The following UST variants were observed in gnomAD, a reference collection of about 807,000 sequenced individuals.
The protein encoded by UST is chondroitin sulfate 2-O-sulfotransferase.
A neutral mutation model predicts 45.6 loss-of-function variants in UST; 21 were observed. That is an observed-to-expected ratio of 0.46 (90% CI 0.33 to 0.66). UST has a LOEUF of 0.66. Among genes scored for constraint, UST ranks in the 30% least tolerant of loss-of-function variants. UST has a pLI of 0.02. For missense variants in UST, 463 were observed against 512.4 expected (o/e 0.90, Z 0.93); for synonymous variants, 215 against 200.6 (o/e 1.07, Z -0.61).
intron 2 of UST, among the ~76,000 whole-genome samples, chr6:148,912,227 C>CT (rs138700032): frequency 0.066 from 10,026 of 152,226 alleles, 1,078 homozygotes; most frequent in African/African-American, 0.23. Context: ...TTGGAATACT[C>CT]TATCTATGCG....
At chr6:148,846,883 G>A (rs1284343342) in intron 1 of UST, among the ~76,000 whole-genome samples, 1 of 152,268 alleles carries the variant, frequency 6.6e-6, no homozygotes, top group Admixed American at 6.5e-5. Flanking sequence ...TGCCTTCAGA[G>A]GGTAGCAGCC....
intron 2 of UST, among the ~76,000 whole-genome samples, chr6:148,901,779 G>A (rs951076636): frequency 6.6e-6 from 1 of 152,032 alleles, no homozygotes; most frequent in East Asian, 1.9e-4. Context: ...GGCTGGTCTC[G>A]AACTCCTGAC....
At chr6:148,789,277 T>C (rs960482554) in intron 1 of UST, among the ~76,000 whole-genome samples, 3 of 152,064 alleles carry the variant, frequency 2.0e-5, no homozygotes, top group African/African-American at 7.2e-5. Context: ...GTGTTCTGAG[T>C]CAGCAGCATC....
At chr6:148,834,238 T>A (rs966578950) in intron 1 of UST, among the ~76,000 whole-genome samples, 2 of 152,260 alleles carry the variant, frequency 1.3e-5, no homozygotes, top group Admixed American at 6.5e-5. Flanking sequence ...GTCAAAATAA[T>A]CTTAATTCCT....
intron 7 of UST, among the ~76,000 whole-genome samples, chr6:149,054,455 A>G (rs1284030886): frequency 6.6e-6 from 1 of 152,180 alleles, no homozygotes; most frequent in East Asian, 1.9e-4. Flanking sequence ...GACACCTAAC[A>G]TTGTCTTAGC....
At position 148,860,397 on chromosome 6, in the gene UST, T is replaced by G. The variant is rs556460811; in HGVS notation, c.248-26589T>G. On this transcript the variant is annotated intron_variant, in intron 1 of 7. Coordinates refer to ENST00000367463, the MANE Select transcript of UST (RefSeq NM_005715.3). ...TTATCAGCTTAAGGAGATTTTGGGC[T>G]GAGATGATGGGGTTTTCTAAATATA... is the stretch of plus-strand genomic sequence containing the variant. 3.9e-5 allele frequency among the ~76,000 whole-genome samples: 6 copies of G among 152,354 alleles called. No individual in the cohort carries two copies. The East Asian group carries it at 1.2e-3, about 29-fold the overall frequency.
At chr6:149,021,868 C>T (rs1433023897) in intron 7 of UST, among the ~76,000 whole-genome samples, 1 of 152,186 alleles carries the variant, frequency 6.6e-6, no homozygotes, top group Admixed American at 6.5e-5. Flanking sequence ...ACCTGGACTC[C>T]ATTGATGGAA....
chr6:148,879,952 C>CT lies in UST; in HGVS notation c.248-7019dup, dbSNP rs766758383. Among the ~76,000 whole-genome samples, 569 of 119,782 alleles carry CT rather than the reference C, an allele frequency of 4.8e-3. 7 individuals are homozygous for CT. The highest frequency in any genetic ancestry group is 7.0e-3 in the African/African-American group (228 of 32,674). 78.6% of individuals were successfully genotyped at this position (119,782 alleles called of 152,430 possible). On this transcript the variant is annotated intron_variant, in intron 1 of 7. Coordinates refer to ENST00000367463, the MANE Select transcript of UST (RefSeq NM_005715.3). ...GACTTTTCTTTTTTCTTTTTTTTTT[C>CT]TTTTTTTTTTTTTTTGACAAGGTCT...
intron 5 of UST, among the ~76,000 whole-genome samples, chr6:148,965,343 A>C (rs1341509101): frequency 6.6e-6 from 1 of 152,210 alleles, no homozygotes; most frequent in Non-Finnish European, 1.5e-5. Flanking sequence ...CCTGGTGCCC[A>C]GGAGGCTGAA....
At position 148,830,006 on chromosome 6, in the gene UST, G is replaced by T. The variant is rs560372748; in HGVS notation, c.248-56980G>T. On this transcript the variant is annotated intron_variant, in intron 1 of 7. Coordinates refer to ENST00000367463, the MANE Select transcript of UST (RefSeq NM_005715.3). ...CACCAGGCACTACACTTAAAAGATG[G>T]ATGATGAATGCCACATAAAGCCTAC... Among the ~76,000 whole-genome samples, 12 of 152,328 alleles carry T rather than the reference G, an allele frequency of 7.9e-5. 1 individual carries two copies. The South Asian group carries it at 1.9e-3, about 24-fold the overall frequency.
chr6:148,874,096 C>T lies in UST; in HGVS notation c.248-12890C>T, dbSNP rs371723303. Among the ~76,000 whole-genome samples the T allele has an allele frequency of 3.3e-5, 5 of 152,232 alleles. No individual in the cohort carries two copies. In the East Asian group the frequency reaches 5.8e-4, roughly 18 times the overall value. On this transcript the variant is annotated intron_variant, in intron 1 of 7. Coordinates refer to ENST00000367463, the MANE Select transcript of UST (RefSeq NM_005715.3). ...TGTGTTAGCATTCCACAGGTGAGAT[C>T]AGTTGACTGTAGCAATTACTTCAAA... is the stretch of plus-strand genomic sequence containing the variant.
rs1014300425 is a variant in UST, at chr6:148,830,659, A to T, written c.248-56327A>T. 2.0e-5 allele frequency among the ~76,000 whole-genome samples: 3 copies of T among 152,370 alleles called. No individual in the cohort carries two copies. The East Asian group carries it at 5.8e-4, about 29-fold the overall frequency. ...GGGACTGTCAAGTAAAAACATTTTT[A>T]AAAATTCTACCATCAAGAAATTACG... On this transcript the variant is annotated intron_variant, in intron 1 of 7. Coordinates refer to ENST00000367463, the MANE Select transcript of UST (RefSeq NM_005715.3).
Position 148,907,185 on chromosome 6 carries a change from C to T in UST, c.291+20156C>T, listed in dbSNP as rs142766508. ...TCACTTGTATTCAGTCTGGCCAACACGGGAATTGATGCTATTTTAAGTATA... is the reference window on the plus strand; with the variant it reads ...TCACTTGTATTCAGTCTGGCCAACATGGGAATTGATGCTATTTTAAGTATA... On this transcript the variant is annotated intron_variant, in intron 2 of 7. Coordinates refer to ENST00000367463, the MANE Select transcript of UST (RefSeq NM_005715.3). Among the ~76,000 whole-genome samples the T allele has an allele frequency of 2.2e-3, 337 of 152,220 alleles. 1 individual carries two copies. Among genetic ancestry groups the T allele is most frequent in the African/African-American group, 7.9e-3 (327 of 41,530 alleles).
chr6:148,810,616 CA>C (rs1305655468), intron 1 of UST, among the ~76,000 whole-genome samples: 2 of 152,134 alleles, frequency 1.3e-5, no homozygotes, highest in African/African-American at 4.8e-5. Context: ...AATGTGGGGT[CA>C]AAATAAGTAC....
chr6:148,902,206 C>T (rs1779273535), intron 2 of UST, among the ~76,000 whole-genome samples: 1 of 151,900 alleles, frequency 6.6e-6, no homozygotes, highest in Admixed American at 6.6e-5. Flanking sequence ...AAACAGATAC[C>T]CTGTTCTGGA....
intron 1 of UST, among the ~76,000 whole-genome samples, chr6:148,882,963 G>A (rs925328299): frequency 6.6e-6 from 1 of 152,238 alleles, no homozygotes; most frequent in Admixed American, 6.5e-5. Flanking sequence ...CTAATGAGGA[G>A]GTAGAGAACT....
intron 7 of UST, among the ~76,000 whole-genome samples, chr6:149,052,369 T>C (rs1457748052): frequency 6.6e-6 from 1 of 152,250 alleles, no homozygotes; most frequent in Non-Finnish European, 1.5e-5. Flanking sequence ...GTCTCAGGAA[T>C]CTTGTTAAGT....
intron 7 of UST, among the ~76,000 whole-genome samples, chr6:149,025,842 C>T (rs1167486093): frequency 6.6e-6 from 1 of 151,714 alleles, no homozygotes; most frequent in Non-Finnish European, 1.5e-5. Flanking sequence ...AAAAGCTCGT[C>T]TCTACTAAAA....
chr6:149,045,963 A>G (rs1776389040), intron 7 of UST, among the ~76,000 whole-genome samples: 1 of 152,170 alleles, frequency 6.6e-6, no homozygotes, highest in African/African-American at 2.4e-5. Flanking sequence ...AGCTCACCAT[A>G]GAGCTGGGAA....
Sources: gnomAD v4.1 joint callset for allele counts (sites outside exome capture counted in the v4.1 genomes callset) on GRCh38, gnomAD v4.1.1 for gene constraint, MANE v1.5 for transcripts, NCBI Gene and HGNC (gene_info 2026-07-23, HGNC 2026-07-21) for gene names.